Variants in XPA observed in about 807,000 individuals in gnomAD.
XPA encodes the protein XPA, DNA damage recognition and repair factor.
A neutral mutation model predicts 35.7 loss-of-function variants in XPA; 27 were observed. The observed-to-expected ratio is 0.76, with a 90% confidence interval of 0.56 to 1.04. The LOEUF (loss-of-function observed/expected upper bound fraction) is 1.04, where lower values mean the gene tolerates loss of function less well. Ranked by LOEUF, XPA falls within the 50% of genes least tolerant of loss-of-function variation. XPA has a pLI of 0.00. For synonymous variants in XPA, 133 were observed against 118.4 expected (o/e 1.12, Z -0.80); for missense variants, 354 against 342.7 (o/e 1.03, Z -0.26).
At chr9:97,662,159 A>C in the XPA span, 9 of 1,590,474 alleles carry the variant, frequency 5.7e-6, no homozygotes, top group Non-Finnish European at 6.9e-6. Flanking sequence ...GTATGAGTAC[A>C]GAGCCTTGCT....
chr9:97,675,890 A>T (rs1375658586), intron 5 of XPA: 1 of 432,544 alleles, frequency 2.3e-6, no homozygotes, highest in Non-Finnish European at 4.3e-6. Flanking sequence ...TGAGTTGAGT[A>T]ACACAATAGG....
At chr9:97,659,949 C>T in the XPA span, among the ~76,000 whole-genome samples, 1 of 152,148 alleles carries the variant, frequency 6.6e-6, no homozygotes, top group Non-Finnish European at 1.5e-5. Context: ...CTTGACTTTG[C>T]CATTACCCCA....
At chr9:97,655,057 C>A in the XPA span, 2 of 868,328 alleles carry the variant, frequency 2.3e-6, no homozygotes, top group Non-Finnish European at 3.4e-6. Context: ...TTTTTTCTTG[C>A]CTCCCAAAAT....
At chr9:97,689,203 A>C (rs1187108372) in intron 3 of XPA, among the ~76,000 whole-genome samples, 2 of 152,140 alleles carry the variant, frequency 1.3e-5, no homozygotes, top group African/African-American at 4.8e-5. Flanking sequence ...TAGAGGGATC[A>C]TTAGGGCTGG....
At chr9:97,692,820 G>A (rs565530777) in intron 2 of XPA, among the ~76,000 whole-genome samples, 21 of 152,214 alleles carry the variant, frequency 1.4e-4, no homozygotes, top group African/African-American at 4.6e-4. Context: ...ACAATAAAAT[G>A]TAATATGCTT....
downstream of XPA, chr9:97,670,198 G>A (rs1426365006): frequency 4.9e-6 from 1 of 203,670 alleles, no homozygotes; most frequent in Non-Finnish European, 1.0e-5. Flanking sequence ...GATTATAGGC[G>A]TGAGCCACGG....
the XPA span, chr9:97,666,839 G>A: frequency 6.2e-7 from 1 of 1,610,278 alleles, no homozygotes; most frequent in Non-Finnish European, 8.5e-7. Context: ...GAAAGAGCTG[G>A]AAGAAGCTAA....
intron 2 of XPA, among the ~76,000 whole-genome samples, chr9:97,690,598 G>T (rs2808669): frequency 0.18 from 27,928 of 152,102 alleles, 2,700 homozygotes; most frequent in African/African-American, 0.22. Context: ...ATGTTGGCCA[G>T]GCTGGTCTCG....
chr9:97,682,574 A>G (rs1260090129), intron 5 of XPA: 1 of 426,144 alleles, frequency 2.3e-6, no homozygotes, highest in African/African-American at 2.0e-5. Flanking sequence ...CTATTTACAG[A>G]GACACTTGGA....
chr9:97,665,381 T>C, the XPA span, among the ~76,000 whole-genome samples: 1 of 152,346 alleles, frequency 6.6e-6, no homozygotes, highest in East Asian at 1.9e-4. Flanking sequence ...GGTTCCATTA[T>C]TGTCCACATT....
At chr9:97,697,008 T>TA (rs1432970590) in intron 1 of XPA, 113 bp downstream of exon 1, 1 of 1,347,774 alleles carries the variant, frequency 7.4e-7, no homozygotes, top group African/African-American at 1.5e-5. Flanking sequence ...TCTGCACACA[T>TA]ACGCCAGCGG....
chr9:97,687,686 A>G (rs1270394415), intron 3 of XPA, among the ~76,000 whole-genome samples: 1 of 152,160 alleles, frequency 6.6e-6, no homozygotes, highest in Non-Finnish European at 1.5e-5. Context: ...TGAGCAAAAT[A>G]CTATATGAAA....
the XPA span, chr9:97,669,531 A>AT: frequency 1.7e-6 from 2 of 1,194,974 alleles, no homozygotes; most frequent in Non-Finnish European, 2.5e-6. Context: ...TTTGTCATGA[A>AT]TTTTTTTCCA....
chr9:97,662,775 A>C, the XPA span, among the ~76,000 whole-genome samples: 39 of 152,362 alleles, frequency 2.6e-4, no homozygotes, highest in African/African-American at 9.4e-4. Context: ...ATTTTGTGAC[A>C]GCTTCCTTAA....
chr9:97,664,941 G>A, the XPA span, among the ~76,000 whole-genome samples: 6 of 152,162 alleles, frequency 3.9e-5, no homozygotes, highest in Non-Finnish European at 7.3e-5. Context: ...ATAATCTTAG[G>A]TTTAATGCAG....
At chr9:97,673,855 G>C (rs1378169534), downstream of XPA, 1 of 152,164 alleles carries the variant, frequency 6.6e-6, no homozygotes, top group Non-Finnish European at 1.5e-5. Context: ...CTGGATACCA[G>C]GATTGTCTTA....
At chr9:97,673,725 T>A (rs1227501086), downstream of XPA, 1 of 152,196 alleles carries the variant, frequency 6.6e-6, no homozygotes, top group African/African-American at 2.4e-5. Flanking sequence ...CTGGTGCAAT[T>A]TAACATGCTT....
the XPA span, among the ~76,000 whole-genome samples, chr9:97,660,274 CTT>C: frequency 6.6e-6 from 1 of 152,084 alleles, no homozygotes. Flanking sequence ...TTTGTTACCT[CTT>C]TGTCTACCTT....
At chr9:97,695,658 T>C (rs1829019712) in intron 1 of XPA, among the ~76,000 whole-genome samples, 1 of 152,188 alleles carries the variant, frequency 6.6e-6, no homozygotes, top group Admixed American at 6.5e-5. Flanking sequence ...CCCAGGACCT[T>C]AGCACCACTC....
Sources: gnomAD v4.1 joint callset for allele counts (sites outside exome capture counted in the v4.1 genomes callset) on GRCh38, gnomAD v4.1.1 for gene constraint, MANE v1.5 for transcripts, NCBI Gene and HGNC (gene_info 2026-07-23, HGNC 2026-07-21) for gene names.